DLGAP1: variants seen among roughly 807,000 people sequenced by gnomAD.
The protein encoded by DLGAP1 is disks large-associated protein 1.
Under a neutral mutation model 90.8 loss-of-function variants are expected in DLGAP1, and 11 were observed. The ratio of observed to expected loss-of-function variants is 0.12; its 90% CI spans 0.08 to 0.20. The LOEUF (loss-of-function observed/expected upper bound fraction) is 0.20, where lower values mean the gene tolerates loss of function less well. DLGAP1 is among the 10% of genes least tolerant of loss of function. The pLI, the probability that DLGAP1 is intolerant of heterozygous loss-of-function variation, is 1.00. For missense variants in DLGAP1, 1,050 were observed against 1,333.8 expected, an observed-to-expected ratio of 0.79 and a Z score of 3.31; for synonymous variants, 558 against 540.7, an observed-to-expected ratio of 1.03 and a Z score of -0.44.
At chr18:4,309,224 A>C (rs2080338661) in intron 1 of DLGAP1, among the ~76,000 whole-genome samples, 1 of 152,184 alleles carries the variant, frequency 6.6e-6, no homozygotes, top group South Asian at 2.1e-4. Flanking sequence ...TTTGGGGTTC[A>C]AGGATAAATT....
intron 4 of DLGAP1, among the ~76,000 whole-genome samples, chr18:3,870,252 G>A (rs945655721): frequency 2.6e-5 from 4 of 152,070 alleles, no homozygotes; most frequent in African/African-American, 7.2e-5. Flanking sequence ...ATAAAATTAA[G>A]GAAGCTTTAC....
intron 1 of DLGAP1, among the ~76,000 whole-genome samples, chr18:4,195,582 G>A (rs531452208): frequency 3.3e-5 from 5 of 151,770 alleles, no homozygotes; most frequent in East Asian, 1.9e-4. Flanking sequence ...ATGGAGTTTC[G>A]CTCTTGTTGC....
chr18:4,387,926 CACA>C (rs1567880972), intron 1 of DLGAP1, among the ~76,000 whole-genome samples: 37 of 38,962 alleles, frequency 9.5e-4, no homozygotes, highest in African/African-American at 2.2e-3. Context: ...GACTCCATCA[CACA>C]TACACACACA....
chr18:4,414,541 T>C (rs1001644429), intron 1 of DLGAP1, among the ~76,000 whole-genome samples: 2 of 151,876 alleles, frequency 1.3e-5, no homozygotes, highest in African/African-American at 4.8e-5. Flanking sequence ...CTGGCCAACA[T>C]AGTGAAACCC....
chr18:3,682,847 TTTTC>T lies in DLGAP1; in HGVS notation c.1591+46284_1591+46287del, dbSNP rs544757925. ...ATTGAAGACTAGTATCCAAAGCTTG[TTTTC>T]TTTCTTTCTTTTTTTTTTTTTTCTG... On this transcript the variant is annotated intron_variant, in intron 7 of 12. Transcript: ENST00000315677. Among the ~76,000 whole-genome samples the T allele has an allele frequency of 1.2e-3, 189 of 151,966 alleles. 1 individual carries two copies. The highest frequency in any genetic ancestry group is 4.1e-3 in the African/African-American group (172 of 41,474).
At chr18:3,515,892 C>T (rs1024619474) in intron 10 of DLGAP1, among the ~76,000 whole-genome samples, 3 of 152,030 alleles carry the variant, frequency 2.0e-5, no homozygotes, top group Non-Finnish European at 4.4e-5. Context: ...ACAGTGTTCG[C>T]AGCATCTTCA....
chr18:3,749,148 CTTTTTTTT>C (rs776707431), intron 5 of DLGAP1, among the ~76,000 whole-genome samples: 3 of 120,668 alleles, frequency 2.5e-5, no homozygotes, highest in East Asian at 2.4e-4. Flanking sequence ...TCTTCTTCTT[CTTTTTTTT>C]TTTTTTTTTT....
intron 2 of DLGAP1, among the ~76,000 whole-genome samples, chr18:4,111,500 C>A (rs2075971613): frequency 6.6e-6 from 1 of 152,128 alleles, no homozygotes; most frequent in Admixed American, 6.5e-5. Flanking sequence ...GATTGGTATT[C>A]ATTCTTCATA....
intron 7 of DLGAP1, among the ~76,000 whole-genome samples, chr18:3,588,734 C>T (rs1262332608): frequency 1.0e-4 from 15 of 147,206 alleles, no homozygotes; most frequent in Admixed American, 8.9e-4. Context: ...GAGCCAAGAT[C>T]GCGCCACTGC....
At chr18:4,396,969 T>C (rs2082455517) in intron 1 of DLGAP1, among the ~76,000 whole-genome samples, 1 of 152,202 alleles carries the variant, frequency 6.6e-6, no homozygotes, top group Non-Finnish European at 1.5e-5. Flanking sequence ...TGCCATGGAA[T>C]GAAGGTGCTA....
intron 3 of DLGAP1, among the ~76,000 whole-genome samples, chr18:3,882,486 C>T (rs570268329): frequency 9.4e-5 from 14 of 149,432 alleles, no homozygotes; most frequent in Non-Finnish European, 1.5e-4. Context: ...GTGAATGCAC[C>T]GCTATACTTC....
At chr18:4,369,290 A>AGT (rs141011243) in intron 1 of DLGAP1, among the ~76,000 whole-genome samples, 14,747 of 151,998 alleles carry the variant, frequency 0.097, 732 homozygotes, top group African/African-American at 0.14. Context: ...CATGCATATG[A>AGT]GTGTGCGTGT....
rs1567880148 is a variant in DLGAP1 at position 3,639,754 on chromosome 18, C to CGTTTTTT, written c.1592-57507_1592-57506insAAAAAAC. ...TGTTCTCCTGCTACCTGCAGAGTTGCCTTTTTTTTTTTTTTTTTGAGACAG... is the reference window on the plus strand; with the variant it reads ...TGTTCTCCTGCTACCTGCAGAGTTGCGTTTTTTCTTTTTTTTTTTTTTTTTGAGACAG... On this transcript the variant is annotated intron_variant, in intron 7 of 12. Coordinates refer to ENST00000315677, the MANE Select transcript of DLGAP1 (RefSeq NM_004746.4). 5.4e-5 allele frequency among the ~76,000 whole-genome samples: 6 copies of CGTTTTTT among 111,318 alleles called. 1 individual carries two copies. Among genetic ancestry groups the CGTTTTTT allele is most frequent in the African/African-American group, 2.9e-4 (6 of 20,678 alleles). 73.0% of individuals were successfully genotyped at this position (111,318 alleles called of 152,430 possible). A position where few individuals can be genotyped will look rare whatever the true frequency, so the allele number is the denominator to read the frequency against.
intron 1 of DLGAP1, among the ~76,000 whole-genome samples, chr18:4,221,232 A>G (rs771485790): frequency 1.3e-5 from 2 of 152,042 alleles, no homozygotes; most frequent in Non-Finnish European, 2.9e-5. Flanking sequence ...ATATTCAATA[A>G]TTTTCTTACA....
At chr18:4,144,141 A>G (rs1269340603) in intron 2 of DLGAP1, among the ~76,000 whole-genome samples, 1 of 152,088 alleles carries the variant, frequency 6.6e-6, no homozygotes, top group African/African-American at 2.4e-5. Context: ...GAGCACGCCA[A>G]CCCCACTGGC....
At chr18:3,515,572 A>G (rs1042270925) in intron 10 of DLGAP1, among the ~76,000 whole-genome samples, 6 of 151,958 alleles carry the variant, frequency 3.9e-5, no homozygotes, top group Admixed American at 1.3e-4. Context: ...TGAGCCCAGG[A>G]GTTCGAGACC....
chr18:3,571,357 C>A (rs570273398), intron 8 of DLGAP1: 1 of 152,008 alleles, frequency 6.6e-6, no homozygotes, highest in South Asian at 2.1e-4. Context: ...AACTGATGGT[C>A]CCCTGCCCCT....
At chr18:3,502,757 T>C in intron 11 of DLGAP1, 112 bp from the exon 12 acceptor site, 1 of 1,241,634 alleles carries the variant, frequency 8.1e-7, no homozygotes, top group Non-Finnish European at 1.1e-6. Context: ...TAGTTCCTTT[T>C]GGTTTTCCGA....
At chr18:3,955,006 A>T (rs1204466529) in intron 3 of DLGAP1, among the ~76,000 whole-genome samples, 1 of 152,198 alleles carries the variant, frequency 6.6e-6, no homozygotes, top group Non-Finnish European at 1.5e-5. Context: ...AAGAGAAGAG[A>T]GCTGCCTGGG....
Sources: gnomAD v4.1 joint callset for allele counts (sites outside exome capture counted in the v4.1 genomes callset) on GRCh38, gnomAD v4.1.1 for gene constraint, MANE v1.5 for transcripts, NCBI Gene and HGNC (gene_info 2026-07-23, HGNC 2026-07-21) for gene names.